The following SOBP variants were observed in gnomAD, a reference collection of about 807,000 sequenced individuals.
SOBP encodes sine oculis binding protein homolog, also known as sine oculis-binding protein homolog.
In SOBP, 4 loss-of-function variants were observed where a neutral mutation model predicts 53.6. That is an observed-to-expected ratio of 0.07 (90% CI 0.04 to 0.17). SOBP has a LOEUF of 0.17. Among genes scored for constraint, SOBP ranks in the 10% least tolerant of loss-of-function variants. The probability of loss-of-function intolerance (pLI) is 1.00; values close to 1 mark genes in which losing one functional copy is unlikely to be tolerated. For missense variants in SOBP, 1,088 were observed against 1,204.7 expected (o/e 0.90, Z 1.43); for synonymous variants, 584 against 522.6 (o/e 1.12, Z -1.60).
intron 4 of SOBP, among the ~76,000 whole-genome samples, chr6:107,549,994 C>T (rs189842806): frequency 7.6e-4 from 116 of 152,302 alleles, no homozygotes; most frequent in Non-Finnish European, 1.2e-3. Context: ...GGAAGCCTGG[C>T]ACCCATGGGG....
intron 5 of SOBP, among the ~76,000 whole-genome samples, chr6:107,602,101 T>C (rs1164812331): frequency 6.6e-6 from 1 of 152,142 alleles, no homozygotes; most frequent in Non-Finnish European, 1.5e-5. Flanking sequence ...TCTCCTTCTC[T>C]TTTTTTCCTA....
intron 3 of SOBP, among the ~76,000 whole-genome samples, chr6:107,524,927 A>C (rs769820909): frequency 1.2e-4 from 18 of 152,096 alleles, no homozygotes; most frequent in Non-Finnish European, 1.8e-4. Flanking sequence ...AATATGGCAC[A>C]CTCTCTCTCC....
chr6:107,634,646 G>A lies in SOBP; in HGVS notation c.1802G>A (p.Cys601Tyr). The A allele has an allele frequency of 1.3e-6, 2 of 1,568,410 alleles. No individual in the cohort carries two copies. Among genetic ancestry groups the A allele is most frequent in the South Asian group, 1.1e-5 (1 of 87,752 alleles). ...AAGTCCGCGGACTCGCCCCCCGGCT[G>A]CTCGGGCCAGGCCCTGAGCCTGGCG... The part of the protein sequence containing the change: ...SSKSADSPPG[C>Y]SGQALSLAPT... Residue 601 changes from cysteine to tyrosine, a missense_variant, in exon 6 of 7, where the codon TGC becomes TAC. Cys to Tyr is a radical substitution (Grantham distance 194). Around this residue, in one of 6 missense-constraint regions of SOBP, gnomAD observed 665 missense variants for 629.7 expected, o/e 1.06. Coordinates refer to ENST00000317357, the MANE Select transcript of SOBP (RefSeq NM_018013.4). The surrounding 1 kb of genome is among the most constrained non-coding windows in gnomAD (Gnocchi z 4.5).
intron 4 of SOBP, among the ~76,000 whole-genome samples, chr6:107,544,999 A>G (rs1311070319): frequency 2.0e-5 from 3 of 152,206 alleles, no homozygotes; most frequent in Non-Finnish European, 4.4e-5. Context: ...ACATCATAAT[A>G]CTGTAATAAT....
At chr6:107,583,985 A>G (rs1785488122) in intron 4 of SOBP, among the ~76,000 whole-genome samples, 2 of 152,196 alleles carry the variant, frequency 1.3e-5, no homozygotes, top group Non-Finnish European at 2.9e-5. Flanking sequence ...GTGGGATTTC[A>G]GATTTTTGAA....
intron 5 of SOBP, among the ~76,000 whole-genome samples, chr6:107,602,703 T>G (rs994872187): frequency 2.0e-5 from 3 of 152,060 alleles, no homozygotes; most frequent in African/African-American, 7.3e-5. Context: ...TCTATTCCAG[T>G]TATGTCCTGA....
intron 4 of SOBP, among the ~76,000 whole-genome samples, chr6:107,552,029 C>A (rs1349794774): frequency 6.6e-6 from 1 of 152,030 alleles, no homozygotes; most frequent in Non-Finnish European, 1.5e-5. Flanking sequence ...TCAACAACAA[C>A]AACAAAAAAA....
chr6:107,657,005 G>A (rs1407879394), intron 6 of SOBP, among the ~76,000 whole-genome samples: 1 of 152,234 alleles, frequency 6.6e-6, no homozygotes, highest in Non-Finnish European at 1.5e-5. Flanking sequence ...CTGTTTTGGG[G>A]CATGGCAGAA....
chr6:107,512,500 A>G (rs1186152246), intron 3 of SOBP, among the ~76,000 whole-genome samples: 3 of 152,226 alleles, frequency 2.0e-5, no homozygotes, highest in East Asian at 3.8e-4. Context: ...TTTTGAATAC[A>G]TATCTTTGAC....
At chr6:107,582,965 C>G (rs537465742) in intron 4 of SOBP, among the ~76,000 whole-genome samples, 1 of 152,230 alleles carries the variant, frequency 6.6e-6, no homozygotes, top group African/African-American at 2.4e-5. Flanking sequence ...GCCAGTGATT[C>G]TGAACAATTT....
Position 107,506,376 on chromosome 6 carries a change from G to T in SOBP, c.370G>T (p.Val124Leu), listed in dbSNP as rs1782992574. Residue 124 changes from valine (V) to leucine (L), a missense_variant, in exon 3 of 7, where the codon GTG (valine) becomes TTG (leucine). This residue lies in a region of SOBP where 112 missense variants were observed against 117.9 expected (regional missense o/e 0.95). Transcript: ENST00000317357. ...SPAGSKDHGS[V>L]PIIVPLIPPP... ...TGCAGGGTCAAAGGATCATGGCAGT[G>T]TGCCCATTATTGTACCTTTAATTCC... The T allele has an allele frequency of 5.0e-6, 8 of 1,614,166 alleles. No homozygotes were observed. Among genetic ancestry groups the T allele is most frequent in the Non-Finnish European group, 6.8e-6 (8 of 1,180,020 alleles).
At chr6:107,656,427 A>G (rs529507990) in intron 6 of SOBP, among the ~76,000 whole-genome samples, 2 of 152,360 alleles carry the variant, frequency 1.3e-5, no homozygotes, top group Admixed American at 1.3e-4. Flanking sequence ...AAATCTGACC[A>G]TGCCAAATGA....
At chr6:107,528,694 T>G (rs906465703) in intron 3 of SOBP, among the ~76,000 whole-genome samples, 1 of 152,268 alleles carries the variant, frequency 6.6e-6, no homozygotes, top group African/African-American at 2.4e-5. Context: ...TCTATTGTTG[T>G]GTCACTGAGC....
rs527333900 is a variant in SOBP, at chr6:107,490,523, C to T, written c.-94C>T. ...CCGCTACCTCCGCCAGCCTCGCCAC[C>T]ATCAGCACCACCTCCACCGCCGCCG... On this transcript the variant is annotated 5_prime_UTR_variant, in exon 1 of 7. Coordinates refer to ENST00000317357, the MANE Select transcript of SOBP (RefSeq NM_018013.4). The T allele has an allele frequency of 3.5e-6, 3 of 862,842 alleles. No homozygotes were observed. The highest frequency in any genetic ancestry group is 2.8e-5 in the South Asian group (2 of 70,500). The allele number at this position is 862,842 out of a possible 1,614,324, so 53.4% of individuals were successfully genotyped here.
At chr6:107,612,284 CA>C (rs2115103386) in intron 5 of SOBP, among the ~76,000 whole-genome samples, 1 of 152,320 alleles carries the variant, frequency 6.6e-6, no homozygotes, top group African/African-American at 2.4e-5. Flanking sequence ...CTGATAGCTT[CA>C]GGTCAGTCTG....
chr6:107,609,341 C>A (rs1412054567), intron 5 of SOBP, among the ~76,000 whole-genome samples: 1 of 152,156 alleles, frequency 6.6e-6, no homozygotes, highest in Non-Finnish European at 1.5e-5. Flanking sequence ...AGCTTGAAGA[C>A]CACCACTTCA....
chr6:107,500,775 T>TGCC (rs1347150417), intron 1 of SOBP, among the ~76,000 whole-genome samples: 5 of 152,170 alleles, frequency 3.3e-5, no homozygotes, highest in Admixed American at 2.6e-4. Context: ...TCTGCCCACC[T>TGCC]TGGCCTCCCA....
intron 4 of SOBP, among the ~76,000 whole-genome samples, chr6:107,534,672 A>G (rs1456519665): frequency 6.6e-6 from 1 of 152,246 alleles, no homozygotes; most frequent in Non-Finnish European, 1.5e-5. Context: ...CAAAAAACAT[A>G]ATGCCAAAAG....
intron 5 of SOBP, among the ~76,000 whole-genome samples, chr6:107,589,262 G>C (rs1388789470): frequency 4.6e-5 from 7 of 152,148 alleles, no homozygotes; most frequent in Non-Finnish European, 1.0e-4. Flanking sequence ...GAGGGCACAG[G>C]GTTCTTCTGG....
Sources: allele counts gnomAD v4.1 joint callset (sites outside exome capture counted in the v4.1 genomes callset), GRCh38; gene constraint gnomAD v4.1.1; regional missense constraint gnomAD v4.1.1; non-coding constraint Gnocchi (gnomAD v3.1); transcripts MANE v1.5; gene names NCBI Gene and HGNC (gene_info 2026-07-23, HGNC 2026-07-21).